Variants in OOEP observed in about 807,000 individuals in gnomAD.
The protein encoded by OOEP is oocyte expressed protein.
A neutral mutation model predicts 13.7 loss-of-function variants in OOEP; 16 were observed. That is an observed-to-expected ratio of 1.16 (90% CI 0.79 to 1.77). The LOEUF (loss-of-function observed/expected upper bound fraction) is 1.77. Among genes scored for constraint, OOEP ranks in the 40% most tolerant of loss-of-function variants. The pLI is 0.00. For missense variants in OOEP, 195 were observed against 193.1 expected (o/e 1.01, Z -0.06); for synonymous variants, 89 against 77.1 (o/e 1.15, Z -0.81).
At chr6:73,394,412 G>T in exon 2 of OOEP, 1 of 713,298 alleles carries the variant, frequency 1.4e-6, no homozygotes. Flanking sequence ...ACTTTGGGAG[G>T]CCGAGGCTGG....
At chr6:73,383,728 G>C (rs1047692033) in intron 2 of OOEP, among the ~76,000 whole-genome samples, 13 of 152,000 alleles carry the variant, frequency 8.6e-5, no homozygotes, top group Non-Finnish European at 1.6e-4. Context: ...TCAAAACTGG[G>C]TTCTTTAAAA....
chr6:73,393,673 C>G (rs776286006), intron 2 of OOEP, among the ~76,000 whole-genome samples: 2 of 152,108 alleles, frequency 1.3e-5, no homozygotes, highest in Non-Finnish European at 2.9e-5. Flanking sequence ...AAATAATTAG[C>G]CTGGCATGGT....
chr6:73,394,861 C>T, exon 1 of OOEP: 1 of 1,601,792 alleles, frequency 6.2e-7, no homozygotes, highest in Non-Finnish European at 8.5e-7. Context: ...TCAGGTGGTG[C>T]AGAGCTGGAC....
exon 1 of OOEP, chr6:73,394,788 G>T: frequency 2.1e-6 from 3 of 1,454,230 alleles, no homozygotes; most frequent in Non-Finnish European, 2.8e-6. Context: ...GGCTAGCCTC[G>T]TGCGGGCTCC....
chr6:73,380,016 G>C (rs1769180259), intron 2 of OOEP, among the ~76,000 whole-genome samples: 1 of 152,186 alleles, frequency 6.6e-6, no homozygotes, highest in Admixed American at 6.6e-5. Context: ...GCAAACGGTA[G>C]CTTCTTACAC....
chr6:73,369,773 G>A lies in OOEP; in HGVS notation c.20C>T (p.Ala7Val). 6.2e-7 allele frequency: 1 copy of A among 1,613,552 alleles called. No individual in the cohort carries two copies. Among genetic ancestry groups the A allele is most frequent in the Non-Finnish European group, 8.5e-7 (1 of 1,179,716 alleles). Residue 7 changes from alanine to valine, a missense_variant, in exon 1 of 3, where the codon GCC becomes GTC. Transcript: ENST00000370359. ...CTGTTTGCCCCGCTGGGACTCAGCG[G>A]CACCAGCATCATCGACCATACTGGG... MVDDAG[A>V]AESQRGKQTP...
chr6:73,378,199 C>G (rs1769158304), intron 2 of OOEP, among the ~76,000 whole-genome samples: 1 of 152,058 alleles, frequency 6.6e-6, no homozygotes, highest in African/African-American at 2.4e-5. Context: ...ACTTCCAGGG[C>G]TCAAGCGATC....
Position 73,395,047 on chromosome 6 carries a change from G to C in OOEP, c.-447C>G, listed in dbSNP as rs763464287. 2.5e-6 allele frequency: 4 copies of C among 1,614,048 alleles called. No individual in the cohort carries two copies. In the African/African-American group the frequency reaches 5.3e-5, roughly 22 times the overall value. On this transcript the variant is annotated 5_prime_UTR_variant, in exon 1 of 4. Transcript: ENST00000370363. Reference sequence around the variant, plus strand: ...TCCTGAGGGATATAGTGTCGGCAGAGGTGGTCGCTGGAGAGGCACCTCTAG... The same window carrying C: ...TCCTGAGGGATATAGTGTCGGCAGACGTGGTCGCTGGAGAGGCACCTCTAG...
chr6:73,382,385 T>A (rs1465144665), intron 2 of OOEP, among the ~76,000 whole-genome samples: 1 of 151,426 alleles, frequency 6.6e-6, no homozygotes, highest in Non-Finnish European at 1.5e-5. Flanking sequence ...GCCCAGCTAA[T>A]TTTTGTATTT....
chr6:73,372,191 A>G (rs1207049688), upstream of OOEP, among the ~76,000 whole-genome samples: 2 of 152,216 alleles, frequency 1.3e-5, no homozygotes, highest in Non-Finnish European at 1.5e-5. Flanking sequence ...CCCAGCATGT[A>G]TAGAATTTTA....
At chr6:73,387,429 G>T (rs1475987486) in intron 2 of OOEP, among the ~76,000 whole-genome samples, 2 of 151,258 alleles carry the variant, frequency 1.3e-5, no homozygotes, top group Admixed American at 6.6e-5. Context: ...CAGGAGAATC[G>T]CTTGAACATG....
At chr6:73,375,972 C>T (rs566239552) in intron 2 of OOEP, among the ~76,000 whole-genome samples, 30 of 151,794 alleles carry the variant, frequency 2.0e-4, no homozygotes, top group Admixed American at 1.6e-3. Flanking sequence ...TTTGTAAAGA[C>T]GGGGTTTTAC....
At chr6:73,384,139 G>A (rs949631069) in intron 2 of OOEP, among the ~76,000 whole-genome samples, 1 of 151,842 alleles carries the variant, frequency 6.6e-6, no homozygotes, top group East Asian at 1.9e-4. Context: ...ATGAATGGAG[G>A]ACCAGATATA....
chr6:73,369,391 C>A lies in OOEP; in HGVS notation c.191-6G>T. 1 of 1,607,116 alleles carries A rather than the reference C, an allele frequency of 6.2e-7. No homozygotes were observed. The highest frequency in any genetic ancestry group is 8.5e-7 in the Non-Finnish European group (1 of 1,176,976). On this transcript the variant is annotated splice_region_variant and splice_polypyrimidine_tract_variant and intron_variant, in intron 1 of 2. Coordinates refer to ENST00000370359, the MANE Select transcript of OOEP (RefSeq NM_001080507.3). ...AATTATGGCTCGGTCTGGGCCTAAA[C>A]AAGTAAGGAAAAACTCTGAGGGGCT... is the stretch of plus-strand genomic sequence containing the variant.
chr6:73,381,205 T>TAAAAAAAAAAAAAAAAAAAAAA (rs66507015), intron 2 of OOEP, among the ~76,000 whole-genome samples: 2 of 100,998 alleles, frequency 2.0e-5, no homozygotes, highest in Admixed American at 1.1e-4. Flanking sequence ...AAAAAAGTGT[T>TAAAAAAAAAAAAAAAAAAAAAA]AAAAAAAAAA....
chr6:73,382,079 G>T (rs2150781704), intron 2 of OOEP, among the ~76,000 whole-genome samples: 1 of 152,154 alleles, frequency 6.6e-6, no homozygotes, highest in African/African-American at 2.4e-5. Context: ...ATAGGGATTT[G>T]CTCTGTCACT....
At chr6:73,375,548 C>T (rs920657582) in intron 2 of OOEP, among the ~76,000 whole-genome samples, 1 of 149,090 alleles carries the variant, frequency 6.7e-6, no homozygotes, top group African/African-American at 2.6e-5. Context: ...CCATTGCACT[C>T]CAGCCTGGAC....
At chr6:73,374,752 G>A (rs1436009086), upstream of OOEP, among the ~76,000 whole-genome samples, 1 of 152,136 alleles carries the variant, frequency 6.6e-6, no homozygotes, top group Non-Finnish European at 1.5e-5. Context: ...ATTAAAATAT[G>A]TCTCCTAATC....
chr6:73,394,814 G>C, exon 1 of OOEP: 1 of 1,541,830 alleles, frequency 6.5e-7, no homozygotes, highest in Non-Finnish European at 8.7e-7. Flanking sequence ...TAGCGGCTGC[G>C]TGGCTTCCCT....
Sources: gnomAD v4.1 joint callset for allele counts (sites outside exome capture counted in the v4.1 genomes callset) on GRCh38, gnomAD v4.1.1 for gene constraint, MANE v1.5 for transcripts, NCBI Gene and HGNC (gene_info 2026-07-23, HGNC 2026-07-21) for gene names.